FRMPD4: variants seen among roughly 807,000 people sequenced by gnomAD.
FRMPD4 encodes FERM and PDZ domain-containing protein 4.
In FRMPD4, 22 loss-of-function variants were observed where a neutral mutation model predicts 94.1. That is an observed-to-expected ratio of 0.23 (90% CI 0.17 to 0.33). The LOEUF (loss-of-function observed/expected upper bound fraction) is 0.33, where lower values mean the gene tolerates loss of function less well. FRMPD4 is among the 10% of genes least tolerant of loss of function. The pLI is 1.00. For missense variants in FRMPD4, 1,111 were observed against 1,339.9 expected (o/e 0.83, Z 2.67); for synonymous variants, 631 against 548.6 (o/e 1.15, Z -2.10).
rs186762006 is a variant in FRMPD4 at position 12,197,915 on chromosome X, T to A, written c.41+58903T>A. ...CTTTTATAAAGCTGTTTTAAACATA[T>A]AGATGTGTTTTGTTCTTGTAAATGT... On this transcript the variant is annotated intron_variant, in intron 1 of 16. Transcript: ENST00000675598. Among the ~76,000 whole-genome samples the A allele has an allele frequency of 4.4e-3, 498 of 112,142 alleles. 5 individuals are homozygous for A. Among genetic ancestry groups the A allele is most frequent in the African/African-American group, 0.015 (474 of 30,925 alleles).
intron 4 of FRMPD4, among the ~76,000 whole-genome samples, chrX:12,663,747 T>A (rs1349535005): frequency 8.9e-6 from 1 of 112,599 alleles, no homozygotes; most frequent in Non-Finnish European, 1.9e-5. Context: ...AGAAAGTCAA[T>A]GGTAACCTGA....
At chrX:12,472,032 C>T (rs1377282168) in intron 1 of FRMPD4, among the ~76,000 whole-genome samples, 9 of 112,303 alleles carry the variant, frequency 8.0e-5, no homozygotes, top group African/African-American at 2.6e-4. Context: ...CTGTGCTGGG[C>T]ACAATTTGTG....
At chrX:11,885,562 A>G (rs763798473) in intron 3 of FRMPD4, among the ~76,000 whole-genome samples, 2 of 111,400 alleles carry the variant, frequency 1.8e-5, no homozygotes, top group East Asian at 5.6e-4. Context: ...ACAATTAAAC[A>G]TTTTTTAAAT....
chrX:12,499,085 A>C (rs2148225528), intron 2 of FRMPD4, among the ~76,000 whole-genome samples: 1 of 111,296 alleles, frequency 9.0e-6, no homozygotes, highest in East Asian at 2.8e-4. Flanking sequence ...TCAGAGCAAA[A>C]GTTTCCACCG....
chrX:12,628,638 T>A (rs1207777133), intron 4 of FRMPD4, among the ~76,000 whole-genome samples: 1 of 112,647 alleles, frequency 8.9e-6, no homozygotes, highest in East Asian at 2.8e-4. Context: ...TCCCAGTTGG[T>A]TCTTCCTGGA....
intron 3 of FRMPD4, among the ~76,000 whole-genome samples, chrX:11,958,370 T>C (rs2054267506): frequency 8.9e-6 from 1 of 112,221 alleles, no homozygotes; most frequent in African/African-American, 3.2e-5. Context: ...TATTTGTGAT[T>C]CTAGAATCAG....
intron 1 of FRMPD4, among the ~76,000 whole-genome samples, chrX:12,452,160 A>G (rs2057280059): frequency 9.0e-6 from 1 of 111,406 alleles, no homozygotes; most frequent in Admixed American, 9.5e-5. Context: ...GACTCTGACT[A>G]AAAAAAGCTT....
chrX:11,925,011 C>T (rs2054078307), intron 3 of FRMPD4, among the ~76,000 whole-genome samples: 2 of 111,007 alleles, frequency 1.8e-5, no homozygotes, highest in Non-Finnish European at 3.8e-5. Context: ...AGAGACCCAT[C>T]TCACATGCAG....
intron 1 of FRMPD4, among the ~76,000 whole-genome samples, chrX:12,350,762 G>A (rs937767691): frequency 7.1e-5 from 8 of 112,586 alleles, no homozygotes; most frequent in African/African-American, 9.7e-5. Flanking sequence ...TAGAATGAGT[G>A]TTTTTAAATC....
intron 3 of FRMPD4, among the ~76,000 whole-genome samples, chrX:11,886,312 A>G (rs953169709): frequency 8.9e-6 from 1 of 112,030 alleles, no homozygotes; most frequent in African/African-American, 3.2e-5. Flanking sequence ...GTGGATTTCT[A>G]GAAGGAAACA....
chrX:12,133,689 A>G (rs2055572980), upstream of FRMPD4, among the ~76,000 whole-genome samples: 1 of 111,745 alleles, frequency 8.9e-6, no homozygotes, highest in Non-Finnish European at 1.9e-5. Context: ...TCCTATTCAA[A>G]ACATATCCTG....
At chrX:12,003,409 GTGTGTGTT>G (rs2054534493) in intron 3 of FRMPD4, among the ~76,000 whole-genome samples, 1 of 110,702 alleles carries the variant, frequency 9.0e-6, no homozygotes, top group Non-Finnish European at 1.9e-5. Flanking sequence ...GTGTGTGTGT[GTGTGTGTT>G]TGTGTGTATT....
At chrX:12,621,101 G>A (rs1050277281) in intron 4 of FRMPD4, among the ~76,000 whole-genome samples, 2 of 111,688 alleles carry the variant, frequency 1.8e-5, no homozygotes, top group African/African-American at 6.5e-5. Context: ...GTGGTGGTGT[G>A]TGACTGTAGT....
Position 12,003,126 on chromosome X carries a change from G to A in FRMPD4, c.95+125108G>A, listed in dbSNP as rs1463449744. ...AAGCTACAATGACTCAGAAGCAGCA[G>A]CAACATTGAGCTGGGTCACCTCCTG... On this transcript the variant is annotated intron_variant, in intron 3 of 18. Coordinates refer to the FRMPD4 transcript ENST00000640291. Among the ~76,000 whole-genome samples the A allele has an allele frequency of 2.7e-5, 3 of 111,962 alleles. No homozygotes were observed. The Admixed American group carries it at 2.8e-4, about 11-fold the overall frequency.
At chrX:12,323,224 T>C (rs754539929) in intron 1 of FRMPD4, among the ~76,000 whole-genome samples, 2 of 111,345 alleles carry the variant, frequency 1.8e-5, no homozygotes, top group Non-Finnish European at 3.8e-5. Context: ...TGGAAGCAAA[T>C]AGAGTTGTTT....
chrX:12,327,065 T>A (rs1437477952), intron 1 of FRMPD4, among the ~76,000 whole-genome samples: 3 of 111,880 alleles, frequency 2.7e-5, no homozygotes, highest in African/African-American at 9.7e-5. Context: ...CTCTTCATCA[T>A]CCCATTACTC....
intron 1 of FRMPD4, among the ~76,000 whole-genome samples, chrX:12,217,524 T>C (rs1435469611): frequency 8.9e-6 from 1 of 112,260 alleles, no homozygotes; most frequent in Non-Finnish European, 1.9e-5. Context: ...ACATTTTTGA[T>C]GATTCACCAC....
intron 1 of FRMPD4, among the ~76,000 whole-genome samples, chrX:12,431,135 A>C (rs1369970881): frequency 8.9e-6 from 1 of 112,891 alleles, no homozygotes; most frequent in African/African-American, 3.2e-5. Context: ...ACTATGCGTC[A>C]AGCAATTTGG....
intron 3 of FRMPD4, among the ~76,000 whole-genome samples, chrX:11,966,973 A>G (rs772450769): frequency 8.9e-6 from 1 of 112,109 alleles, no homozygotes; most frequent in East Asian, 2.8e-4. Flanking sequence ...CACCCACCCC[A>G]TCAGCAAGTA....
Sources: allele counts gnomAD v4.1 joint callset (sites outside exome capture counted in the v4.1 genomes callset), GRCh38; gene constraint gnomAD v4.1.1; transcripts MANE v1.5; gene names NCBI Gene and HGNC (gene_info 2026-07-23, HGNC 2026-07-21).